KRABD5: variants seen among roughly 807,000 people sequenced by gnomAD.
KRABD5 encodes the protein KRAB domain-containing protein 5.
At chr16:31,761,276 A>G in the KRABD5 span, 1 of 152,178 alleles carries the variant, frequency 6.6e-6, no homozygotes, top group Non-Finnish European at 1.5e-5. Context: ...GCTGTGGCCA[A>G]TTCATACTTA....
At chr16:31,720,671 C>CT in the KRABD5 span, among the ~76,000 whole-genome samples, 3 of 152,198 alleles carry the variant, frequency 2.0e-5, no homozygotes, top group Non-Finnish European at 2.9e-5. Flanking sequence ...ACCAATTCGT[C>CT]TCATTACAGT....
chr16:31,722,585 C>G, the KRABD5 span: 1 of 1,607,086 alleles, frequency 6.2e-7, no homozygotes, highest in Non-Finnish European at 8.5e-7. Context: ...TGAACTCTGC[C>G]CATGGCCACA....
At chr16:31,746,167 A>G in the KRABD5 span, among the ~76,000 whole-genome samples, 9 of 152,006 alleles carry the variant, frequency 5.9e-5, no homozygotes, top group East Asian at 1.9e-4. Flanking sequence ...TCATGATGCT[A>G]TTTGGCTGTT....
chr16:31,727,875 T>C, the KRABD5 span, among the ~76,000 whole-genome samples: 1 of 152,180 alleles, frequency 6.6e-6, no homozygotes, highest in Non-Finnish European at 1.5e-5. Context: ...TTTATTTATT[T>C]ATTTGAGACA....
the KRABD5 span, among the ~76,000 whole-genome samples, chr16:31,733,877 G>A: frequency 3.9e-5 from 6 of 152,178 alleles, no homozygotes; most frequent in Admixed American, 1.3e-4. Flanking sequence ...CATCTATTCC[G>A]CGTTCTGTTT....
At chr16:31,733,782 A>G in the KRABD5 span, among the ~76,000 whole-genome samples, 1 of 152,160 alleles carries the variant, frequency 6.6e-6, no homozygotes, top group African/African-American at 2.4e-5. Flanking sequence ...CATTTGTTTA[A>G]TCTGCTCATC....
the KRABD5 span, among the ~76,000 whole-genome samples, chr16:31,746,127 G>C: frequency 6.6e-6 from 1 of 152,086 alleles, no homozygotes; most frequent in Non-Finnish European, 1.5e-5. Flanking sequence ...TTTAAGGTTA[G>C]TATCGTTATG....
the KRABD5 span, among the ~76,000 whole-genome samples, chr16:31,729,276 AT>A: frequency 6.6e-6 from 1 of 152,358 alleles, no homozygotes; most frequent in East Asian, 1.9e-4. Flanking sequence ...ATATCAGAAT[AT>A]TCACAGGGTA....
chr16:31,748,389 G>A, the KRABD5 span, among the ~76,000 whole-genome samples: 12 of 152,166 alleles, frequency 7.9e-5, no homozygotes, highest in South Asian at 2.1e-4. Flanking sequence ...TTTGGTTACC[G>A]TAGCCTTGTA....
the KRABD5 span, among the ~76,000 whole-genome samples, chr16:31,728,270 G>A: frequency 6.6e-6 from 1 of 151,864 alleles, no homozygotes. Context: ...CTTTTCTATT[G>A]CCTTTCTAGT....
At chr16:31,747,324 C>G in the KRABD5 span, among the ~76,000 whole-genome samples, 1 of 152,040 alleles carries the variant, frequency 6.6e-6, no homozygotes, top group African/African-American at 2.4e-5. Flanking sequence ...TGAACTCATC[C>G]TTTTTTATGG....
chr16:31,721,059 C>G, the KRABD5 span, among the ~76,000 whole-genome samples: 3 of 152,140 alleles, frequency 2.0e-5, no homozygotes, highest in East Asian at 5.8e-4. Flanking sequence ...TCTTAAAATT[C>G]TAAAATATAA....
chr16:31,727,599 G>T, the KRABD5 span, among the ~76,000 whole-genome samples: 4 of 152,326 alleles, frequency 2.6e-5, no homozygotes, highest in African/African-American at 7.2e-5. Flanking sequence ...CTTTAAATGT[G>T]TGATACAATT....
the KRABD5 span, among the ~76,000 whole-genome samples, chr16:31,730,247 G>T: frequency 1.3e-5 from 2 of 151,552 alleles, no homozygotes; most frequent in Non-Finnish European, 2.9e-5. Context: ...TTGGTGGGGG[G>T]GTCTTGAAAT....
At chr16:31,737,953 G>A in the KRABD5 span, among the ~76,000 whole-genome samples, 1 of 152,060 alleles carries the variant, frequency 6.6e-6, no homozygotes, top group South Asian at 2.1e-4. Flanking sequence ...TCAAAATCTT[G>A]AACAAAAGTG....
the KRABD5 span, among the ~76,000 whole-genome samples, chr16:31,721,031 T>C: frequency 6.6e-6 from 1 of 152,188 alleles, no homozygotes; most frequent in East Asian, 1.9e-4. Flanking sequence ...AATTAACATA[T>C]AATTAATATA....
At chr16:31,759,287 CATAAACCTGCTCAATG>C in the KRABD5 span, 1 of 1,491,834 alleles carries the variant, frequency 6.7e-7, no homozygotes, top group Non-Finnish European at 9.1e-7. Context: ...GGATAAAATT[CATAAACCTGCTCAATG>C]AGAGAAAAGT....
At chr16:31,726,271 A>C in the KRABD5 span, among the ~76,000 whole-genome samples, 6 of 152,158 alleles carry the variant, frequency 3.9e-5, no homozygotes, top group Admixed American at 2.0e-4. Context: ...CTTGTCAAAG[A>C]GTGCTAACTC....
At chr16:31,730,023 TA>T in the KRABD5 span, among the ~76,000 whole-genome samples, 211 of 152,110 alleles carry the variant, frequency 1.4e-3, 2 homozygotes, top group Non-Finnish European at 2.4e-3. Flanking sequence ...AGTTTTGTTT[TA>T]TAGTTCTTAT....
Sources: allele counts gnomAD v4.1 joint callset (sites outside exome capture counted in the v4.1 genomes callset), GRCh38; gene constraint gnomAD v4.1.1; transcripts MANE v1.5; gene names NCBI Gene and HGNC (gene_info 2026-07-23, HGNC 2026-07-21).